Variants in MYO1B observed in about 807,000 individuals in gnomAD.
The protein encoded by MYO1B is unconventional myosin-Ib.
A neutral mutation model predicts 159.7 loss-of-function variants in MYO1B; 72 were observed. The observed-to-expected ratio is 0.45, with a 90% CI of 0.37 to 0.55. The LOEUF (loss-of-function observed/expected upper bound fraction) is 0.55. MYO1B is among the 20% of genes least tolerant of loss of function. The pLI, the probability that MYO1B is intolerant of heterozygous loss-of-function variation, is 0.00. For missense variants in MYO1B, 1,062 were observed against 1,364.8 expected, an observed-to-expected ratio of 0.78 and a Z score of 3.50; for synonymous variants, 468 against 473.8, an observed-to-expected ratio of 0.99 and a Z score of 0.16.
intron 3 of MYO1B, among the ~76,000 whole-genome samples, chr2:191,305,717 C>T (rs1474795139): frequency 1.3e-5 from 2 of 152,072 alleles, no homozygotes; most frequent in African/African-American, 4.8e-5. Flanking sequence ...CCTGGTGATT[C>T]CTTTTGTAGC....
At chr2:191,422,203 T>C (rs1361467894) in intron 30 of MYO1B, among the ~76,000 whole-genome samples, 1 of 152,166 alleles carries the variant, frequency 6.6e-6, no homozygotes, top group East Asian at 1.9e-4. Flanking sequence ...GAGAAAACCA[T>C]CCCTGAGAAT....
At chr2:191,329,677 A>G (rs1378285475) in intron 3 of MYO1B, among the ~76,000 whole-genome samples, 1 of 148,842 alleles carries the variant, frequency 6.7e-6, no homozygotes, top group Non-Finnish European at 1.5e-5. Flanking sequence ...TAAATATTAT[A>G]TAAAAAATAA....
At chr2:191,393,473 A>C (rs1037347769) in intron 20 of MYO1B, among the ~76,000 whole-genome samples, 1 of 152,220 alleles carries the variant, frequency 6.6e-6, no homozygotes, top group African/African-American at 2.4e-5. Flanking sequence ...ATTAGAGCTC[A>C]AGTTCAGTGT....
intron 2 of MYO1B, among the ~76,000 whole-genome samples, chr2:191,287,398 C>T (rs938880642): frequency 2.0e-5 from 3 of 151,964 alleles, no homozygotes; most frequent in Non-Finnish European, 2.9e-5. Flanking sequence ...GGCGTGGTGG[C>T]GGGCACCTGT....
intron 4 of MYO1B, among the ~76,000 whole-genome samples, chr2:191,332,611 T>C (rs1339169076): frequency 1.3e-5 from 2 of 152,198 alleles, no homozygotes; most frequent in Non-Finnish European, 2.9e-5. Context: ...TGTGCTTATT[T>C]ACATGTATGA....
intron 1 of MYO1B, among the ~76,000 whole-genome samples, chr2:191,249,410 A>G (rs1685979906): frequency 6.6e-6 from 1 of 152,186 alleles, no homozygotes; most frequent in Admixed American, 6.5e-5. Flanking sequence ...ATCCTCTGAG[A>G]TCATCAAATT....
At chr2:191,279,183 T>A (rs1687911362) in intron 2 of MYO1B, among the ~76,000 whole-genome samples, 1 of 152,242 alleles carries the variant, frequency 6.6e-6, no homozygotes, top group African/African-American at 2.4e-5. Context: ...TATCAATTAA[T>A]GTTTTTCATG....
At chr2:191,341,634 G>A (rs1215466406) in intron 5 of MYO1B, 69 bp downstream of exon 5, 6 of 1,233,686 alleles carry the variant, frequency 4.9e-6, no homozygotes, top group Non-Finnish European at 5.9e-6. Context: ...GGTGCTTTGA[G>A]TACCTGGTCT....
rs183734662 is a variant in MYO1B, at chr2:191,424,254, C to T, written c.*294C>T. ...GTGTACCCTAAATCAGCATATTACTCATAAATCATTAATTAATATAAGCAT... is the reference window on the plus strand; with the variant it reads ...GTGTACCCTAAATCAGCATATTACTTATAAATCATTAATTAATATAAGCAT... On this transcript the variant is annotated 3_prime_UTR_variant, in exon 31 of 31. Transcript: ENST00000392318. 4.4e-4 allele frequency: 139 copies of T among 313,640 alleles called. No homozygotes were observed. Among genetic ancestry groups the T allele is most frequent in the African/African-American group, 2.7e-3 (128 of 47,236 alleles). The allele number at this position is 313,640 out of a possible 1,614,324, so 19.4% of individuals were successfully genotyped here.
chr2:191,310,616 A>G (rs1689943226), intron 3 of MYO1B, among the ~76,000 whole-genome samples: 1 of 152,246 alleles, frequency 6.6e-6, no homozygotes, highest in Non-Finnish European at 1.5e-5. Context: ...AAACGGTATT[A>G]GAGTTGAGAA....
At position 191,393,228 on chromosome 2, in the gene MYO1B, A is replaced by T; in HGVS notation, c.2226+6A>T. On this transcript the variant is annotated splice_donor_region_variant and intron_variant, in intron 20 of 30. Transcript: ENST00000392318. ...CCTGGTACAGGAGATATGCGGTAAG[A>T]GTCTCAGTCATTTTAAATCAGTAAT... 1 of 1,613,448 alleles carries T rather than the reference A, an allele frequency of 6.2e-7. No homozygotes were observed. The highest frequency in any genetic ancestry group is 8.5e-7 in the Non-Finnish European group (1 of 1,179,552).
At position 191,335,356 on chromosome 2, in the gene MYO1B, G is replaced by A. The variant is rs189234961; in HGVS notation, c.346+5327G>A. On this transcript the variant is annotated intron_variant, in intron 4 of 30. Transcript: ENST00000392318. ...CAAAAACTGCTTAATATTTTATGAC[G>A]GTTTTAATTGTCTTTAGTCTATCAA... 3.5e-3 allele frequency among the ~76,000 whole-genome samples: 526 copies of A among 152,056 alleles called. 1 individual carries two copies. The highest frequency in any genetic ancestry group is 0.012 in the African/African-American group (507 of 41,478).
At chr2:191,252,644 T>G (rs190040086) in intron 1 of MYO1B, among the ~76,000 whole-genome samples, 266 of 152,352 alleles carry the variant, frequency 1.7e-3, no homozygotes, top group Non-Finnish European at 2.5e-3. Flanking sequence ...TCATTGTGCT[T>G]GAGACCTGCT....
chr2:191,278,613 T>C (rs765829050), intron 2 of MYO1B, among the ~76,000 whole-genome samples: 2 of 152,260 alleles, frequency 1.3e-5, no homozygotes, highest in Non-Finnish European at 2.9e-5. Flanking sequence ...GATACTAAAC[T>C]GAAATGTGTT....
At chr2:191,402,012 A>G (rs1332006584) in intron 23 of MYO1B, 1 of 152,994 alleles carries the variant, frequency 6.5e-6, no homozygotes, top group Admixed American at 6.5e-5. Flanking sequence ...GTCTTCCTGT[A>G]TATTTTACTT....
intron 24 of MYO1B, among the ~76,000 whole-genome samples, chr2:191,404,559 A>C (rs564834996): frequency 6.6e-6 from 1 of 152,344 alleles, no homozygotes; most frequent in South Asian, 2.1e-4. Context: ...GCTAAAAGAC[A>C]GATGATAATC....
chr2:191,325,126 A>G (rs914877259), intron 3 of MYO1B, among the ~76,000 whole-genome samples: 4 of 152,118 alleles, frequency 2.6e-5, no homozygotes, highest in African/African-American at 9.7e-5. Flanking sequence ...GGGGAAGCAC[A>G]TGGAGGTTAG....
intron 8 of MYO1B, 40 bp downstream of exon 8, chr2:191,360,769 T>C: frequency 7.6e-7 from 1 of 1,312,890 alleles, no homozygotes; most frequent in Non-Finnish European, 1.1e-6. Flanking sequence ...GTTGTTGTTG[T>C]TGTTGTTGTT....
chr2:191,260,120 T>TG, intron 1 of MYO1B, among the ~76,000 whole-genome samples: 1 of 152,194 alleles, frequency 6.6e-6, no homozygotes, highest in East Asian at 1.9e-4. Flanking sequence ...GGAGGTGGGA[T>TG]GTGGACAGCC....
Sources: gnomAD v4.1 joint callset for allele counts (sites outside exome capture counted in the v4.1 genomes callset) on GRCh38, gnomAD v4.1.1 for gene constraint, MANE v1.5 for transcripts, NCBI Gene and HGNC (gene_info 2026-07-23, HGNC 2026-07-21) for gene names.